Variants in VAV1 observed in about 807,000 individuals in gnomAD.
VAV1 encodes proto-oncogene vav.
In VAV1, 33 loss-of-function variants were observed where a neutral mutation model predicts 128.1. The observed-to-expected ratio is 0.26, with a 90% CI of 0.20 to 0.34. The LOEUF is 0.34. Ranked by LOEUF, VAV1 falls within the 10% of genes least tolerant of loss-of-function variation. The pLI is 1.00. For synonymous variants in VAV1, 394 were observed against 409.8 expected, an observed-to-expected ratio of 0.96 and a Z score of 0.47; for missense variants, 715 against 1,093.7, an observed-to-expected ratio of 0.65 and a Z score of 4.88.
At position 6,828,236 on chromosome 19, in the gene VAV1, A is replaced by G; in HGVS notation, c.1023+65A>G. The G allele has an allele frequency of 1.9e-6, 3 of 1,590,956 alleles. No homozygotes were observed. In the Middle Eastern group the frequency reaches 5.8e-4, roughly 308 times the overall value. ...CTCTCCTGTGTCTATAAAAGTGGGG[A>G]CGGGGCTGGCTTCTGGGGGTTGGGT... On this transcript the variant is annotated intron_variant, in intron 10 of 26. Transcript: ENST00000602142. This position sits in a 1 kb window ranked among gnomAD's most constrained non-coding sequence, Gnocchi z 4.5.
chr19:6,828,200 C>T lies in VAV1; in HGVS notation c.1023+29C>T, dbSNP rs769518456. 6 of 1,611,296 alleles carry T rather than the reference C, an allele frequency of 3.7e-6. No homozygotes were observed. Among genetic ancestry groups the T allele is most frequent in the Non-Finnish European group, 5.1e-6 (6 of 1,177,922 alleles). On this transcript the variant is annotated intron_variant, in intron 10 of 26. Transcript: ENST00000602142. This position sits in a 1 kb window ranked among gnomAD's most constrained non-coding sequence, Gnocchi z 4.5. ...CCAGGCACATCTCTAGGCGTGGGCT[C>T]CACGTACCTACTCTCCTGTGTCTAT... is the stretch of plus-strand genomic sequence containing the variant.
intron 1 of VAV1, among the ~76,000 whole-genome samples, chr19:6,778,598 G>A (rs971812594): frequency 2.6e-5 from 4 of 152,144 alleles, no homozygotes; most frequent in South Asian, 2.1e-4. Flanking sequence ...AAGGCTGGGC[G>A]GTGGCTCACG....
rs1568310333 is a variant in VAV1, at chr19:6,833,259, C to T, written c.1584C>T (p.Ser528=). Reference sequence around the variant, plus strand: ...TGTTCTCCTTTGAGGAGACCACATCCTGCAAGGCCTGTCAGATGCTGCTTA... The same window carrying T: ...TGTTCTCCTTTGAGGAGACCACATCTTGCAAGGCCTGTCAGATGCTGCTTA... ...FQMFSFEETT[S]CKACQMLLRG... is the part of the protein sequence containing the mutation. Residue 528 remains serine (S), a synonymous_variant, in exon 16 of 27, where the codon TCC becomes TCT. Transcript: ENST00000602142. 6.2e-7 allele frequency: 1 copy of T among 1,613,288 alleles called. No homozygotes were observed. Among genetic ancestry groups the T allele is most frequent in the Non-Finnish European group, 8.5e-7 (1 of 1,179,790 alleles).
chr19:6,840,739 G>T (rs1347461327), intron 21 of VAV1, among the ~76,000 whole-genome samples: 4 of 151,658 alleles, frequency 2.6e-5, no homozygotes. Context: ...TGAGTAGCTG[G>T]GACTACAGGC....
In VAV1 at chr19:6,836,934, T is replaced by C. The variant is rs766450193; in HGVS notation, c.1915-51T>C. The C allele has an allele frequency of 7.6e-6, 12 of 1,588,480 alleles. No homozygotes were observed. The East Asian group carries it at 2.7e-4, about 36-fold the overall frequency. ...TTATGGGTTTAGATGGCAGGTGGGG[T>C]TATGGATCCTATAACCTCTCTGTTC... On this transcript the variant is annotated intron_variant, in intron 20 of 26. Transcript: ENST00000602142.
intron 20 of VAV1, among the ~76,000 whole-genome samples, 199 bp downstream of exon 20, chr19:6,836,767 T>C (rs1041581216): frequency 1.3e-5 from 2 of 151,390 alleles, no homozygotes; most frequent in African/African-American, 4.9e-5. Flanking sequence ...CATTATCACC[T>C]CTCTGGGCTC....
intron 19 of VAV1, among the ~76,000 whole-genome samples, chr19:6,834,397 C>G (rs1794624833): frequency 6.6e-6 from 1 of 151,344 alleles, no homozygotes; most frequent in Admixed American, 6.6e-5. Flanking sequence ...GCACATGTCA[C>G]CACGCTCGGC....
chr19:6,848,883 TC>T (rs1285580343), intron 23 of VAV1, among the ~76,000 whole-genome samples: 1 of 151,856 alleles, frequency 6.6e-6, no homozygotes, highest in Non-Finnish European at 1.5e-5. Context: ...AACCTCTGCC[TC>T]CCAGATTCAG....
chr19:6,853,845 G>A, intron 25 of VAV1, 102 bp from the exon 26 acceptor site: 2 of 1,464,282 alleles, frequency 1.4e-6, no homozygotes, highest in Non-Finnish European at 1.8e-6. Flanking sequence ...GAGCACTGAG[G>A]AGCCCTTTAT....
chr19:6,798,378 G>A (rs554144067), intron 1 of VAV1, among the ~76,000 whole-genome samples: 3 of 151,878 alleles, frequency 2.0e-5, no homozygotes, highest in South Asian at 2.1e-4. Flanking sequence ...CTGTAATCTC[G>A]CCCCTTTGGG....
chr19:6,827,053 AC>A (rs1266665301), intron 9 of VAV1: 18 of 290,464 alleles, frequency 6.2e-5, no homozygotes, highest in Admixed American at 3.0e-4. Context: ...CCCAATTCCA[AC>A]CAACCCCTGA....
At chr19:6,827,823 C>T (rs917957630) in intron 9 of VAV1, among the ~76,000 whole-genome samples, 3 of 151,004 alleles carry the variant, frequency 2.0e-5, no homozygotes, top group South Asian at 2.1e-4. Context: ...TGGTCTTGAA[C>T]TCCTGACCTC....
chr19:6,784,597 G>A (rs1295060050), intron 1 of VAV1, among the ~76,000 whole-genome samples: 6 of 151,294 alleles, frequency 4.0e-5, no homozygotes, highest in South Asian at 2.1e-4. Context: ...GGGTTCAAGC[G>A]ATTCTCCTGC....
chr19:6,837,099 G>T (rs1021644753), intron 21 of VAV1, 49 bp downstream of exon 21: 9 of 1,594,438 alleles, frequency 5.6e-6, no homozygotes. Context: ...TCCAGGGCGG[G>T]TCCTGGGAGG....
chr19:6,807,081 G>A (rs1599640956), intron 1 of VAV1, among the ~76,000 whole-genome samples: 1 of 152,186 alleles, frequency 6.6e-6, no homozygotes. Context: ...TAGAGCAGCA[G>A]TCTCCAACCT....
chr19:6,847,943 A>T (rs1972564724), intron 22 of VAV1, 55 bp from the exon 23 acceptor site: 2 of 1,420,174 alleles, frequency 1.4e-6, no homozygotes, highest in East Asian at 2.8e-5. Context: ...ATATGGCAAT[A>T]TGGGGACCCA....
intron 1 of VAV1, among the ~76,000 whole-genome samples, chr19:6,793,811 G>A (rs1173865074): frequency 6.6e-6 from 1 of 152,076 alleles, no homozygotes; most frequent in African/African-American, 2.4e-5. Context: ...CTGTGACTCA[G>A]TTTCCCTATC....
chr19:6,794,522 CA>C (rs1380086815), intron 1 of VAV1, among the ~76,000 whole-genome samples: 1 of 152,042 alleles, frequency 6.6e-6, no homozygotes, highest in Non-Finnish European at 1.5e-5. Context: ...AACAAAAAAA[CA>C]AAGAGGATAA....
At chr19:6,818,230 A>G (rs887613874) in intron 1 of VAV1, among the ~76,000 whole-genome samples, 1 of 152,206 alleles carries the variant, frequency 6.6e-6, no homozygotes, top group African/African-American at 2.4e-5. Context: ...TGGCTAGAGG[A>G]GGTCTCACAG....
Sources: allele counts gnomAD v4.1 joint callset (sites outside exome capture counted in the v4.1 genomes callset), GRCh38; gene constraint gnomAD v4.1.1; non-coding constraint Gnocchi (gnomAD v3.1); transcripts MANE v1.5; gene names NCBI Gene and HGNC (gene_info 2026-07-23, HGNC 2026-07-21).